The following ST6GALNAC3 variants were observed in gnomAD, a reference collection of about 807,000 sequenced individuals.
The protein encoded by ST6GALNAC3 is alpha-N-acetylgalactosaminide alpha-2,6-sialyltransferase 3.
A neutral mutation model predicts 32.7 loss-of-function variants in ST6GALNAC3; 25 were observed. That is an observed-to-expected ratio of 0.76 (90% CI 0.56 to 1.07). The LOEUF is 1.07. ST6GALNAC3 is among the 50% of genes least tolerant of loss of function. The pLI, the probability that ST6GALNAC3 is intolerant of heterozygous loss-of-function variation, is 0.00. For missense variants in ST6GALNAC3, 355 were observed against 382.4 expected (o/e 0.93, Z 0.60); for synonymous variants, 129 against 133.1 (o/e 0.97, Z 0.21).
rs553342675 is a variant in ST6GALNAC3 at position 76,219,520 on chromosome 1, T to C, written c.19-94285T>C. ...CTTGTCTCTGCAGCAAAGCAGGTGCTGGAGTCTGAGGGGGTCCTTGAGGCC... is the reference window on the plus strand; with the variant it reads ...CTTGTCTCTGCAGCAAAGCAGGTGCCGGAGTCTGAGGGGGTCCTTGAGGCC... On this transcript the variant is annotated intron_variant, in intron 1 of 4. Coordinates refer to ENST00000328299, the MANE Select transcript of ST6GALNAC3 (RefSeq NM_152996.4). Among the ~76,000 whole-genome samples, 17 of 152,324 alleles carry C rather than the reference T, an allele frequency of 1.1e-4. 1 individual carries two copies. The South Asian group carries it at 3.1e-3, about 28-fold the overall frequency.
chr1:76,599,935 A>G (rs1330430596), intron 3 of ST6GALNAC3, among the ~76,000 whole-genome samples: 1 of 152,110 alleles, frequency 6.6e-6, no homozygotes, highest in Non-Finnish European at 1.5e-5. Context: ...ACCTGGTGAG[A>G]AGAAAAATAG....
At chr1:76,332,265 A>C (rs1304389722) in intron 2 of ST6GALNAC3, among the ~76,000 whole-genome samples, 1 of 152,184 alleles carries the variant, frequency 6.6e-6, no homozygotes, top group Non-Finnish European at 1.5e-5. Context: ...TAATCTGCCA[A>C]CAACTGGAGT....
chr1:76,571,403 A>C (rs1241523670), intron 3 of ST6GALNAC3, among the ~76,000 whole-genome samples: 1 of 152,018 alleles, frequency 6.6e-6, no homozygotes, highest in Non-Finnish European at 1.5e-5. Context: ...CAACTTCCGC[A>C]CTTATAAGGG....
In ST6GALNAC3 at chr1:76,554,673, G is replaced by T. The variant is rs945488106; in HGVS notation, c.624-72779G>T. Among the ~76,000 whole-genome samples, 18 of 152,186 alleles carry T rather than the reference G, an allele frequency of 1.2e-4. No individual in the cohort carries two copies. In the South Asian group the frequency reaches 3.3e-3, roughly 28 times the overall value. On this transcript the variant is annotated intron_variant, in intron 3 of 4. Coordinates refer to ENST00000328299, the MANE Select transcript of ST6GALNAC3 (RefSeq NM_152996.4). Reference sequence around the variant, plus strand: ...TCCTAAGCATTTATACTTATCAGAAGAAAGTTAGCTATCTGAGAAACTCTA... The same window carrying T: ...TCCTAAGCATTTATACTTATCAGAATAAAGTTAGCTATCTGAGAAACTCTA...
chr1:76,207,907 A>G (rs1156875892), intron 1 of ST6GALNAC3, among the ~76,000 whole-genome samples: 1 of 152,198 alleles, frequency 6.6e-6, no homozygotes, highest in Admixed American at 6.5e-5. Flanking sequence ...CTAACATAAA[A>G]TGATCTTAGA....
intron 1 of ST6GALNAC3, among the ~76,000 whole-genome samples, chr1:76,300,713 C>T (rs950481806): frequency 1.3e-5 from 2 of 151,946 alleles, no homozygotes; most frequent in African/African-American, 4.8e-5. Context: ...GCAATGTCTG[C>T]CTGGGGAGAA....
intron 3 of ST6GALNAC3, among the ~76,000 whole-genome samples, chr1:76,473,465 C>T (rs972071942): frequency 3.3e-5 from 5 of 152,066 alleles, no homozygotes; most frequent in African/African-American, 1.2e-4. Context: ...ATTTTTACCA[C>T]AAATAAATGA....
chr1:76,464,957 G>A (rs1253715296), intron 3 of ST6GALNAC3, among the ~76,000 whole-genome samples: 1 of 151,954 alleles, frequency 6.6e-6, no homozygotes, highest in Admixed American at 6.6e-5. Context: ...AGTCATGTTT[G>A]GCATCAGGTT....
At chr1:76,114,230 G>GA (rs1225629146) in intron 1 of ST6GALNAC3, among the ~76,000 whole-genome samples, 1 of 152,072 alleles carries the variant, frequency 6.6e-6, no homozygotes, top group Non-Finnish European at 1.5e-5. Flanking sequence ...TGGTTGCTCT[G>GA]AAAAAATATA....
At chr1:76,541,354 A>T (rs6699906) in intron 3 of ST6GALNAC3, among the ~76,000 whole-genome samples, 6,318 of 152,162 alleles carry the variant, frequency 0.042, 302 homozygotes, top group African/African-American at 0.11. Flanking sequence ...AAGAGCCTTC[A>T]GTTATTCATG....
At chr1:76,411,928 T>C in intron 2 of ST6GALNAC3, 80 bp from the exon 3 acceptor site, 1 of 1,454,936 alleles carries the variant, frequency 6.9e-7, no homozygotes, top group Non-Finnish European at 9.3e-7. Flanking sequence ...ATACAATATA[T>C]GAACTTTTGT....
intron 3 of ST6GALNAC3, among the ~76,000 whole-genome samples, chr1:76,599,891 T>C (rs1480650009): frequency 1.3e-5 from 2 of 152,048 alleles, no homozygotes; most frequent in Non-Finnish European, 2.9e-5. Flanking sequence ...TTATATCCTA[T>C]GTGCTGTGTT....
chr1:76,162,975 T>C (rs777215262), intron 1 of ST6GALNAC3, among the ~76,000 whole-genome samples: 1 of 152,212 alleles, frequency 6.6e-6, no homozygotes, highest in South Asian at 2.1e-4. Context: ...GCATGCGCTC[T>C]GTTTTGAAGA....
chr1:76,251,583 T>C (rs1657619673), intron 1 of ST6GALNAC3, among the ~76,000 whole-genome samples: 1 of 152,164 alleles, frequency 6.6e-6, no homozygotes, highest in African/African-American at 2.4e-5. Flanking sequence ...CTTTTGACTG[T>C]TTGGTAAACT....
At chr1:76,202,608 A>G (rs1274834642) in intron 1 of ST6GALNAC3, among the ~76,000 whole-genome samples, 2 of 152,172 alleles carry the variant, frequency 1.3e-5, no homozygotes, top group Non-Finnish European at 2.9e-5. Context: ...CTTAGACAAC[A>G]TAAATGAGAG....
intron 3 of ST6GALNAC3, among the ~76,000 whole-genome samples, chr1:76,478,863 T>G (rs139594051): frequency 1.3e-5 from 2 of 148,694 alleles, no homozygotes; most frequent in African/African-American, 5.0e-5. Context: ...CCTGGGTTCA[T>G]GCCATTCTCC....
intron 3 of ST6GALNAC3, among the ~76,000 whole-genome samples, chr1:76,420,588 T>C (rs764444854): frequency 5.9e-5 from 9 of 152,078 alleles, no homozygotes; most frequent in East Asian, 3.9e-4. Context: ...TTATTTTCAC[T>C]CTCTGTCTTT....
chr1:76,484,772 G>T (rs999226321), intron 3 of ST6GALNAC3, among the ~76,000 whole-genome samples: 14 of 152,262 alleles, frequency 9.2e-5, no homozygotes, highest in East Asian at 5.8e-4. Context: ...GAATAGGAGT[G>T]GTGAGAGACG....
At position 76,109,067 on chromosome 1, in the gene ST6GALNAC3, C is replaced by G. The variant is rs74594517; in HGVS notation, c.18+34183C>G. Among the ~76,000 whole-genome samples the G allele has an allele frequency of 3.3e-5, 5 of 152,206 alleles. No homozygotes were observed. The East Asian group carries it at 9.7e-4, about 29-fold the overall frequency. ...AGATTCTCTAAAAATTCTGGTGCAGCCTTTGTGTTCCTGGGAGGAATCTTA... is the reference window on the plus strand; with the variant it reads ...AGATTCTCTAAAAATTCTGGTGCAGGCTTTGTGTTCCTGGGAGGAATCTTA... On this transcript the variant is annotated intron_variant, in intron 1 of 4. Transcript: ENST00000328299.
Sources: allele counts gnomAD v4.1 joint callset (sites outside exome capture counted in the v4.1 genomes callset), GRCh38; gene constraint gnomAD v4.1.1; transcripts MANE v1.5; gene names NCBI Gene and HGNC (gene_info 2026-07-23, HGNC 2026-07-21).